The following STAT4 variants were observed in gnomAD, a reference collection of about 807,000 sequenced individuals.
The protein encoded by STAT4 is signal transducer and activator of transcription 4.
STAT4 carries 42 observed loss-of-function variants against 110.5 expected under a neutral mutation model. That is an observed-to-expected ratio of 0.38 (90% confidence interval 0.30 to 0.49). The LOEUF is 0.49. Among genes scored for constraint, STAT4 ranks in the 20% least tolerant of loss-of-function variants. The pLI, the probability that STAT4 is intolerant of heterozygous loss-of-function variation, is 0.95. For missense variants in STAT4, 632 were observed against 887.9 expected (o/e 0.71, Z 3.66); for synonymous variants, 284 against 302.2 (o/e 0.94, Z 0.63).
At chr2:191,076,095 C>T (rs1697310074) in intron 4 of STAT4, 132 bp downstream of exon 4, 2 of 673,290 alleles carry the variant, frequency 3.0e-6, no homozygotes, top group Non-Finnish European at 2.6e-6. Flanking sequence ...TTCAAATGAT[C>T]CTCCCACCTT....
rs543381871 is a variant in STAT4 at position 191,135,319 on chromosome 2, G to T, written c.273+11294C>A. Among the ~76,000 whole-genome samples the T allele has an allele frequency of 2.6e-5, 4 of 152,190 alleles. No individual in the cohort carries two copies. The highest frequency in any genetic ancestry group is 7.2e-5 in the African/African-American group (3 of 41,520). On this transcript the variant is annotated intron_variant, in intron 3 of 23. Coordinates refer to ENST00000392320, the MANE Select transcript of STAT4 (RefSeq NM_003151.4). This position sits in a 1 kb window ranked among gnomAD's most constrained non-coding sequence, Gnocchi z 4.8. ...CCTAGAAGAAATGGATAAATTCCTG[G>T]ACTCATGCAACCTAGCAAGATTGAA...
In STAT4 at chr2:191,034,609, GA is replaced by G. The variant is rs754970873; in HGVS notation, c.1571-13del. 8.7e-6 allele frequency: 14 copies of G among 1,607,600 alleles called. No homozygotes were observed. The East Asian group carries it at 2.9e-4, about 33-fold the overall frequency. ...GTAGCTAGATTGGACTGAAATGAAAGAAAAGAATGAAATTTTTCACTGGACA... is the reference window on the plus strand; with the variant it reads ...GTAGCTAGATTGGACTGAAATGAAAGAAAGAATGAAATTTTTCACTGGACA... On this transcript the variant is annotated splice_polypyrimidine_tract_variant and intron_variant, in intron 17 of 23. Coordinates refer to ENST00000392320, the MANE Select transcript of STAT4 (RefSeq NM_003151.4).
At chr2:191,068,695 T>A (rs1264007460) in intron 6 of STAT4, 1 of 152,120 alleles carries the variant, frequency 6.6e-6, no homozygotes, top group Non-Finnish European at 1.5e-5. Context: ...TTCTCATATA[T>A]CCTTCACCTA....
At chr2:191,094,454 A>T (rs958671903) in intron 3 of STAT4, among the ~76,000 whole-genome samples, 2 of 152,196 alleles carry the variant, frequency 1.3e-5, no homozygotes, top group Non-Finnish European at 2.9e-5. Flanking sequence ...TAAAGAAAAG[A>T]ATTTTCAAAC....
intron 14 of STAT4, among the ~76,000 whole-genome samples, chr2:191,047,633 C>T (rs987488960): frequency 6.6e-6 from 1 of 151,866 alleles, no homozygotes; most frequent in Non-Finnish European, 1.5e-5. Flanking sequence ...CTTATAGGTC[C>T]CATCACTCTC....
At chr2:191,100,045 A>G (rs1698112618) in intron 3 of STAT4, among the ~76,000 whole-genome samples, 1 of 152,196 alleles carries the variant, frequency 6.6e-6, no homozygotes. Context: ...TATTTTCATC[A>G]TAACAAAAAT....
In STAT4 at chr2:191,062,242, G is replaced by A. The variant is rs1696868306; in HGVS notation, c.942-421C>T. On this transcript the variant is annotated intron_variant, in intron 9 of 23. Coordinates refer to ENST00000392320, the MANE Select transcript of STAT4 (RefSeq NM_003151.4). This position sits in a 1 kb window ranked among gnomAD's most constrained non-coding sequence, Gnocchi z 4.9. Reference sequence around the variant, plus strand: ...GATACATTTTTTATTTTTCTGTAGAGATGGGGGTCTTTTTATGCTGTCCAG... The same window carrying A: ...GATACATTTTTTATTTTTCTGTAGAAATGGGGGTCTTTTTATGCTGTCCAG... Among the ~76,000 whole-genome samples the A allele has an allele frequency of 6.6e-6, 1 of 151,936 alleles. No homozygotes were observed. The highest frequency in any genetic ancestry group is 2.4e-5 in the African/African-American group (1 of 41,368).
intron 3 of STAT4, among the ~76,000 whole-genome samples, chr2:191,124,390 G>A (rs1474641898): frequency 6.7e-6 from 1 of 148,340 alleles, no homozygotes; most frequent in Non-Finnish European, 1.5e-5. Context: ...AGGAGAAGGA[G>A]GTTGCAGTGA....
chr2:191,034,506 T>C (rs1559037054), intron 18 of STAT4, 42 bp downstream of exon 18: 1 of 1,498,938 alleles, frequency 6.7e-7, no homozygotes. Context: ...AACATTGTAT[T>C]AAAAAAATGT....
chr2:191,041,217 T>C (rs1291521874), intron 14 of STAT4, 69 bp from the exon 15 acceptor site: 7 of 759,044 alleles, frequency 9.2e-6, no homozygotes, highest in Non-Finnish European at 1.3e-5. Flanking sequence ...GACTTGTTTC[T>C]ATATAAATTA....
intron 3 of STAT4, among the ~76,000 whole-genome samples, chr2:191,120,467 G>A (rs919971853): frequency 5.3e-5 from 8 of 152,108 alleles, no homozygotes; most frequent in Admixed American, 1.3e-4. Context: ...CTAGTGAGCC[G>A]TGATTGAGCC....
chr2:191,069,723 C>T lies in STAT4; in HGVS notation c.514G>A (p.Asp172Asn). ...KYLEDLQDEF[D>N]YRYKTIQTMD... ...GTCTGAATTGTTTTATACCTGTAGTCAAATTCGTCTTGCAGATCTTCTAAG... is the reference window on the plus strand; with the variant it reads ...GTCTGAATTGTTTTATACCTGTAGTTAAATTCGTCTTGCAGATCTTCTAAG... The change falls in exon 6 of 24, where the codon GAC becomes AAC. Residue 172 changes from aspartate to asparagine, a missense_variant. Around this residue, in one of 4 missense-constraint regions of STAT4, gnomAD observed 488 missense variants for 632.8 expected, o/e 0.77. Transcript: ENST00000392320. 1 of 1,609,774 alleles carries T rather than the reference C, an allele frequency of 6.2e-7. No individual in the cohort carries two copies. Among genetic ancestry groups the T allele is most frequent in the Non-Finnish European group, 8.5e-7 (1 of 1,178,530 alleles).
chr2:191,099,339 A>G lies in STAT4; in HGVS notation c.274-23014T>C, dbSNP rs770881352. On this transcript the variant is annotated intron_variant, in intron 3 of 23. Coordinates refer to ENST00000392320, the MANE Select transcript of STAT4 (RefSeq NM_003151.4). This position sits in a 1 kb window ranked among gnomAD's most constrained non-coding sequence, Gnocchi z 4.1. ...AATTTAAAATGCTTATATTTTGACT[A>G]GCAAGTCCATATCTAGGAATCCATC... is the stretch of plus-strand genomic sequence containing the variant. Among the ~76,000 whole-genome samples the G allele has an allele frequency of 7.2e-5, 11 of 152,174 alleles. No individual in the cohort carries two copies. The highest frequency in any genetic ancestry group is 1.3e-4 in the Non-Finnish European group (9 of 68,002).
rs1697763052 is a variant in STAT4 at position 191,090,526 on chromosome 2, C to T, written c.274-14201G>A. Among the ~76,000 whole-genome samples, 1 of 151,902 alleles carries T rather than the reference C, an allele frequency of 6.6e-6. No individual in the cohort carries two copies. ...AAAAATTAGCTGCAGGTATATATAG[C>T]TTGTCTTACCTTATTTATTTATTTT... On this transcript the variant is annotated intron_variant, in intron 3 of 23. Transcript: ENST00000392320. The surrounding 1 kb of genome is among the most constrained non-coding windows in gnomAD (Gnocchi z 4.2).
intron 4 of STAT4, among the ~76,000 whole-genome samples, chr2:191,075,837 C>CTTTTTTTTTTTTTTT (rs71407854): frequency 1.5e-4 from 18 of 121,486 alleles, no homozygotes; most frequent in African/African-American, 4.3e-4. Context: ...TTCTTTCTTT[C>CTTTTTTTTTTTTTTT]TTTTTTTTTT....
At chr2:191,034,090 A>T in intron 18 of STAT4, 85 bp from the exon 19 acceptor site, 1 of 955,534 alleles carries the variant, frequency 1.0e-6, no homozygotes, top group Non-Finnish European at 1.6e-6. Context: ...TTTTCACCAA[A>T]ATATTATCTT....
intron 4 of STAT4, among the ~76,000 whole-genome samples, chr2:191,075,818 A>T (rs994216393): frequency 6.6e-6 from 1 of 150,536 alleles, no homozygotes; most frequent in East Asian, 1.9e-4. Flanking sequence ...TTCTTTAAAA[A>T]TGTCTCCTTT....
intron 3 of STAT4, among the ~76,000 whole-genome samples, chr2:191,145,119 T>C (rs1196661118): frequency 2.6e-5 from 4 of 152,182 alleles, no homozygotes; most frequent in East Asian, 3.8e-4. Flanking sequence ...GAGACACATA[T>C]ATACACACAT....
chr2:191,042,183 G>A lies in STAT4; in HGVS notation c.1252-1035C>T, dbSNP rs1436422111. 6.6e-6 allele frequency among the ~76,000 whole-genome samples: 1 copy of A among 152,088 alleles called. No homozygotes were observed. Among genetic ancestry groups the A allele is most frequent in the Non-Finnish European group, 1.5e-5 (1 of 68,022 alleles). On this transcript the variant is annotated intron_variant, in intron 14 of 23. Coordinates refer to ENST00000392320, the MANE Select transcript of STAT4 (RefSeq NM_003151.4). The surrounding 1 kb of genome is among the most constrained non-coding windows in gnomAD (Gnocchi z 4.2). Reference sequence around the variant, plus strand: ...ACCCTAAGTCTACAGTTCTCAACACGCACATAGAATTTTCAGGCTGTTTTT... The same window carrying A: ...ACCCTAAGTCTACAGTTCTCAACACACACATAGAATTTTCAGGCTGTTTTT...
Sources: gnomAD v4.1 joint callset for allele counts (sites outside exome capture counted in the v4.1 genomes callset) on GRCh38, gnomAD v4.1.1 for gene constraint, gnomAD v4.1.1 regional missense constraint, Gnocchi (gnomAD v3.1) non-coding constraint, MANE v1.5 for transcripts, NCBI Gene and HGNC (gene_info 2026-07-23, HGNC 2026-07-21) for gene names.